ANO4: variants seen among roughly 807,000 people sequenced by gnomAD.
ANO4 encodes the protein anoctamin-4.
In ANO4, 69 loss-of-function variants were observed where a neutral mutation model predicts 141.9. The observed-to-expected ratio is 0.49, with a 90% CI of 0.40 to 0.59. The LOEUF (loss-of-function observed/expected upper bound fraction) is 0.59. ANO4 is among the 20% of genes least tolerant of loss of function. ANO4 has a pLI of 0.00. For synonymous variants in ANO4, 350 were observed against 394.3 expected (o/e 0.89, Z 1.33); for missense variants, 894 against 1,162.2 (o/e 0.77, Z 3.36).
At chr12:100,821,002 C>G (rs889326388) in intron 1 of ANO4, among the ~76,000 whole-genome samples, 7 of 152,120 alleles carry the variant, frequency 4.6e-5, no homozygotes, top group Admixed American at 4.6e-4. Flanking sequence ...CCCTTGCACT[C>G]TCTGTTTGAC....
rs965730366 is a variant in ANO4, at chr12:100,724,036, CA to C, written c.22+6496del. On this transcript the variant is annotated intron_variant, in intron 1 of 29. Transcript: ENST00000644049. ...CAAAAACAAACAAAAAACAAAAAAA[CA>C]AAAAAACCTTGCCTGTTTCATGGAT... Among the ~76,000 whole-genome samples, 7 of 149,792 alleles carry C rather than the reference CA, an allele frequency of 4.7e-5. No homozygotes were observed. In the South Asian group the frequency reaches 6.4e-4, roughly 14 times the overall value.
At chr12:100,725,469 C>T (rs2031073457) in intron 1 of ANO4, among the ~76,000 whole-genome samples, 1 of 151,572 alleles carries the variant, frequency 6.6e-6, no homozygotes, top group Non-Finnish European at 1.5e-5. Flanking sequence ...GCCTCAGCCT[C>T]CCGAGTAGCT....
chr12:101,079,588 AG>A (rs1247513309), intron 15 of ANO4, among the ~76,000 whole-genome samples: 3 of 151,878 alleles, frequency 2.0e-5, no homozygotes, highest in Non-Finnish European at 2.9e-5. Flanking sequence ...CTCTAACTTC[AG>A]CAGAAAAAGA....
chr12:100,936,378 T>A (rs182995343), intron 3 of ANO4, among the ~76,000 whole-genome samples: 1 of 152,036 alleles, frequency 6.6e-6, no homozygotes, highest in East Asian at 1.9e-4. Context: ...ACTTTCACTG[T>A]CCCCCTCTCC....
At chr12:100,862,201 A>G (rs1226586471) in intron 1 of ANO4, among the ~76,000 whole-genome samples, 2 of 152,216 alleles carry the variant, frequency 1.3e-5, no homozygotes, top group East Asian at 1.9e-4. Context: ...AGCAGCTGGA[A>G]CTATAGGCAT....
At chr12:100,751,456 A>G (rs565708271) in intron 3 of ANO4, among the ~76,000 whole-genome samples, 2 of 152,238 alleles carry the variant, frequency 1.3e-5, no homozygotes, top group East Asian at 1.9e-4. Flanking sequence ...AGATTGGGAA[A>G]CACCCTCTGG....
chr12:101,018,631 GA>G (rs1313035146), intron 8 of ANO4, among the ~76,000 whole-genome samples: 1 of 152,084 alleles, frequency 6.6e-6, no homozygotes, highest in Non-Finnish European at 1.5e-5. Flanking sequence ...TTTCCTTGAA[GA>G]AAAACATTTA....
chr12:100,875,140 G>A (rs2039234124), intron 1 of ANO4, among the ~76,000 whole-genome samples: 1 of 152,168 alleles, frequency 6.6e-6, no homozygotes, highest in Non-Finnish European at 1.5e-5. Context: ...GGTGGAATAT[G>A]TGGTTTGGGT....
chr12:100,918,411 G>A (rs1355851840), intron 2 of ANO4, among the ~76,000 whole-genome samples: 1 of 152,130 alleles, frequency 6.6e-6, no homozygotes, highest in East Asian at 1.9e-4. Context: ...ACAGCTGAGG[G>A]ATAACTTCTG....
At chr12:100,944,483 C>T (rs2042637820) in intron 5 of ANO4, among the ~76,000 whole-genome samples, 1 of 152,030 alleles carries the variant, frequency 6.6e-6, no homozygotes. Flanking sequence ...CTTATCTAAG[C>T]ATTTCCCCCC....
At chr12:100,976,687 A>G (rs183553238) in intron 7 of ANO4, among the ~76,000 whole-genome samples, 1 of 152,198 alleles carries the variant, frequency 6.6e-6, no homozygotes, top group South Asian at 2.1e-4. Flanking sequence ...TTTGGAAACC[A>G]TTGGTCTGTA....
At chr12:101,014,351 C>T (rs1381917212) in intron 8 of ANO4, among the ~76,000 whole-genome samples, 1 of 152,160 alleles carries the variant, frequency 6.6e-6, no homozygotes, top group Non-Finnish European at 1.5e-5. Flanking sequence ...AATATTGGGA[C>T]CTCAATCTTC....
At chr12:101,042,225 G>A in intron 11 of ANO4, 109 bp from the exon 12 acceptor site, 1 of 1,370,164 alleles carries the variant, frequency 7.3e-7, no homozygotes, top group South Asian at 1.4e-5. Flanking sequence ...TACCTTGCTT[G>A]CAGTTTACCT....
chr12:101,068,245 G>A lies in ANO4; in HGVS notation c.1313-10948G>A, dbSNP rs139396044. 4.7e-4 allele frequency: 663 copies of A among 1,419,092 alleles called. No homozygotes were observed. In the African/African-American group the frequency reaches 8.4e-3, roughly 18 times the overall value. The allele number at this position is 1,419,092 out of a possible 1,614,324, so 87.9% of individuals were successfully genotyped here. On this transcript the variant is annotated intron_variant, in intron 14 of 27. Coordinates refer to ENST00000392977, the MANE Select transcript of ANO4 (RefSeq NM_001286615.2). ...AACGAGGCACCAGCTAGAAAACATC[G>A]CTTCTGGGACAAGAGACTCATGAGT...
Position 100,772,725 on chromosome 12 carries a change from C to T in ANO4, c.358+32620C>T, listed in dbSNP as rs116291223. The stretch of plus-strand genomic sequence containing the variant: ...AAAATCATATTGCCATGGTGACCTT[C>T]AGCCTTTCATTCTTCCTGGTCAGAA... On this transcript the variant is annotated intron_variant, in intron 3 of 29. Coordinates refer to the ANO4 transcript ENST00000644049. Among the ~76,000 whole-genome samples the T allele has an allele frequency of 5.5e-3, 843 of 152,326 alleles. 10 individuals are homozygous for T. Among genetic ancestry groups the T allele is most frequent in the African/African-American group, 0.02 (820 of 41,566 alleles).
chr12:101,019,925 CTA>C lies in ANO4; in HGVS notation c.735-107_735-106del, dbSNP rs1262489880. 14 of 819,242 alleles carry C rather than the reference CTA, an allele frequency of 1.7e-5. No individual in the cohort carries two copies. In the East Asian group the frequency reaches 3.7e-4, roughly 22 times the overall value. 50.7% of individuals were successfully genotyped at this position (819,242 alleles called of 1,614,324 possible). ...TCAGGCTGTTCCAGACACACCCTGT[CTA>C]TGACTGACTGAAGACATCTGCATCT... On this transcript the variant is annotated intron_variant, in intron 8 of 27. Transcript: ENST00000392977.
At chr12:100,720,308 T>C (rs186401146) in intron 1 of ANO4, among the ~76,000 whole-genome samples, 1 of 152,128 alleles carries the variant, frequency 6.6e-6, no homozygotes, top group Non-Finnish European at 1.5e-5. Context: ...CTGTTTCATA[T>C]AGGGAAGCCC....
At chr12:100,876,123 T>C (rs2039289455) in intron 1 of ANO4, among the ~76,000 whole-genome samples, 1 of 152,142 alleles carries the variant, frequency 6.6e-6, no homozygotes, top group Non-Finnish European at 1.5e-5. Flanking sequence ...TGCTCCGTAT[T>C]TTTATTTTTC....
At chr12:101,117,531 T>C (rs1180877196) in intron 25 of ANO4, among the ~76,000 whole-genome samples, 1 of 152,220 alleles carries the variant, frequency 6.6e-6, no homozygotes, top group African/African-American at 2.4e-5. Context: ...AGAGTCCAGA[T>C]GGCACCTTTT....
Sources: allele counts gnomAD v4.1 joint callset (sites outside exome capture counted in the v4.1 genomes callset), GRCh38; gene constraint gnomAD v4.1.1; transcripts MANE v1.5; gene names NCBI Gene and HGNC (gene_info 2026-07-23, HGNC 2026-07-21).